ZNF519: variants seen among roughly 807,000 people sequenced by gnomAD.
The protein encoded by ZNF519 is similar to Zinc finger protein 85 (Zinc finger protein HPF4) (HTF1).
In ZNF519, 7 loss-of-function variants were observed where a neutral mutation model predicts 7.4. That is an observed-to-expected ratio of 0.94 (90% CI 0.54 to 1.77). The LOEUF (loss-of-function observed/expected upper bound fraction) is 1.77, where lower values mean the gene tolerates loss of function less well. ZNF519 is among the 40% of genes most tolerant of loss of function. ZNF519 has a pLI of 0.00. For missense variants in ZNF519, 586 were observed against 623.1 expected (o/e 0.94, Z 0.63); for synonymous variants, 179 against 203.3 (o/e 0.88, Z 1.02).
At chr18:14,126,414 T>G (rs45450300) in intron 1 of ZNF519, among the ~76,000 whole-genome samples, 12 of 152,172 alleles carry the variant, frequency 7.9e-5, no homozygotes, top group Non-Finnish European at 1.5e-4. Flanking sequence ...AAGGTAAAAA[T>G]AATACAAATA....
Position 14,100,284 on chromosome 18 carries a change from C to G in ZNF519, c.*4633G>C, listed in dbSNP as rs773153122. ...GTTTCTATTAAAATTAAACTTGTAA[C>G]TACCCTATGAGCCAGGAATTGTATG... On this transcript the variant is annotated 3_prime_UTR_variant, in exon 3 of 3. Transcript: ENST00000590202. The G allele has an allele frequency of 6.6e-6, 1 of 152,128 alleles. No homozygotes were observed. The highest frequency in any genetic ancestry group is 2.4e-5 in the African/African-American group (1 of 41,420). 9.4% of individuals were successfully genotyped at this position (152,128 alleles called of 1,614,324 possible).
chr18:14,083,801 C>T (rs2046079120), intron 3 of ZNF519, among the ~76,000 whole-genome samples: 1 of 152,138 alleles, frequency 6.6e-6, no homozygotes, highest in South Asian at 2.1e-4. Context: ...CAAGTTTCCC[C>T]TTATTAATCT....
downstream of ZNF519, among the ~76,000 whole-genome samples, chr18:14,099,214 C>T (rs1391879219): frequency 6.6e-6 from 1 of 152,128 alleles, no homozygotes; most frequent in Non-Finnish European, 1.5e-5. Flanking sequence ...CCTGGAGTAA[C>T]AGCCCCTCCT....
intron 2 of ZNF519, among the ~76,000 whole-genome samples, chr18:14,092,699 G>A (rs758588727): frequency 6.6e-6 from 1 of 152,110 alleles, no homozygotes; most frequent in Non-Finnish European, 1.5e-5. Context: ...ATGTATGTAT[G>A]TGTGTCCACA....
rs766036934 is a variant in ZNF519 at position 14,101,377 on chromosome 18, T to C, written c.*3540A>G. 14 of 254,476 alleles carry C rather than the reference T, an allele frequency of 5.5e-5. No homozygotes were observed. Among genetic ancestry groups the C allele is most frequent in the African/African-American group, 1.5e-4 (7 of 45,192 alleles). 15.8% of individuals were successfully genotyped at this position (254,476 alleles called of 1,614,324 possible). On this transcript the variant is annotated 3_prime_UTR_variant, in exon 3 of 3. Coordinates refer to ENST00000590202, the MANE Select transcript of ZNF519 (RefSeq NM_145287.4). ...GGGGGCCAATTAAAACAATGAGCCC[T>C]AGCAAATGCAAAAACACTCATGGTC...
rs2046180889 is a variant in ZNF519, at chr18:14,105,018, T to A, written c.1522A>T (p.Arg508Ter). ...TRSSHLTQHQ[R>*]IHTGEKPFKC... ...AAAGGTTTCTCTCCAGTATGAATTC[T>A]CTGATGTTGAGTAAGGTGTGAGCTC... The change falls in exon 3 of 3, where the codon AGA (arginine) becomes TGA (stop). Residue 508 changes from arginine (R) to a stop codon, truncating the protein, a stop_gained. Transcript: ENST00000590202. LOFTEE classifies it low-confidence loss of function (END_TRUNC). The A allele has an allele frequency of 6.2e-7, 1 of 1,603,438 alleles. No homozygotes were observed. The highest frequency in any genetic ancestry group is 1.3e-5 in the African/African-American group (1 of 74,528).
At chr18:14,085,497 C>T (rs961215321) in intron 2 of ZNF519, among the ~76,000 whole-genome samples, 1 of 151,966 alleles carries the variant, frequency 6.6e-6, no homozygotes, top group African/African-American at 2.4e-5. Flanking sequence ...ATCATCTCCC[C>T]CACAAAAACA....
chr18:14,123,077 C>A, intron 2 of ZNF519: 2 of 184,792 alleles, frequency 1.1e-5, no homozygotes, highest in Non-Finnish European at 1.2e-5. Flanking sequence ...CTTTGGTCCC[C>A]TTGCCTGTGT....
At chr18:14,121,440 T>C (rs180680073) in intron 2 of ZNF519, among the ~76,000 whole-genome samples, 5 of 152,274 alleles carry the variant, frequency 3.3e-5, no homozygotes, top group Admixed American at 2.6e-4. Flanking sequence ...TATCAAATCA[T>C]TACATTGTAC....
intron 2 of ZNF519, among the ~76,000 whole-genome samples, chr18:14,110,234 A>G (rs1254406257): frequency 1.3e-5 from 2 of 152,184 alleles, no homozygotes; most frequent in Non-Finnish European, 2.9e-5. Context: ...GCCTGAAAGC[A>G]TACAAATTCT....
At chr18:14,073,966 TC>T (rs1449421183), downstream of ZNF519, 2 of 152,210 alleles carry the variant, frequency 1.3e-5, no homozygotes, top group African/African-American at 4.8e-5. Context: ...TGGAGAGCTC[TC>T]CCCAAATAGG....
At chr18:14,119,602 T>C (rs2046261039) in intron 2 of ZNF519, among the ~76,000 whole-genome samples, 1 of 152,154 alleles carries the variant, frequency 6.6e-6, no homozygotes, top group Non-Finnish European at 1.5e-5. Context: ...TATTAAAGTA[T>C]CAGGATAATC....
At chr18:14,121,714 G>C (rs1210334549) in intron 2 of ZNF519, 1 of 152,042 alleles carries the variant, frequency 6.6e-6, no homozygotes, top group Non-Finnish European at 1.5e-5. Context: ...TAAGAACTGA[G>C]TATACACATA....
intron 2 of ZNF519, among the ~76,000 whole-genome samples, chr18:14,121,085 A>G (rs2046267808): frequency 6.6e-6 from 1 of 152,132 alleles, no homozygotes; most frequent in Non-Finnish European, 1.5e-5. Flanking sequence ...GCAAACACAG[A>G]AAGACAAACT....
chr18:14,073,165 C>A (rs890662581), downstream of ZNF519: 8 of 151,958 alleles, frequency 5.3e-5, no homozygotes, highest in Admixed American at 1.3e-4. Flanking sequence ...TCAGGTTTGT[C>A]TATTACAACA....
intron 2 of ZNF519, among the ~76,000 whole-genome samples, chr18:14,116,980 C>T (rs1206311361): frequency 6.6e-6 from 1 of 152,134 alleles, no homozygotes; most frequent in African/African-American, 2.4e-5. Flanking sequence ...CATTGCACTC[C>T]AGCATGGGCA....
intron 2 of ZNF519, among the ~76,000 whole-genome samples, chr18:14,092,084 C>T (rs78180090): frequency 0.022 from 3,355 of 152,160 alleles, 123 homozygotes; most frequent in African/African-American, 0.074. Context: ...GCTGGGAGGC[C>T]GTACCAGTGA....
intron 3 of ZNF519, among the ~76,000 whole-genome samples, chr18:14,084,505 G>A (rs964817737): frequency 1.3e-5 from 2 of 152,106 alleles, no homozygotes; most frequent in Non-Finnish European, 2.9e-5. Flanking sequence ...CACATACTAA[G>A]TGCCAGCCAT....
Position 14,105,651 on chromosome 18 carries a change from A to AT in ZNF519, c.888dup (p.Cys297MetfsTer2). On this transcript the variant is annotated frameshift_variant, in exon 3 of 3. Coordinates refer to ENST00000590202, the MANE Select transcript of ZNF519 (RefSeq NM_145287.4). LOFTEE classifies it low-confidence loss of function (END_TRUNC). ...GAACTCTTGTTAAAGGCTTTGTCACATTTTTTACATTTGTAAGGTTTCTCT... is the reference window on the plus strand; with the variant it reads ...GAACTCTTGTTAAAGGCTTTGTCACATTTTTTTACATTTGTAAGGTTTCTCT... 1.2e-6 allele frequency: 2 copies of AT among 1,613,392 alleles called. No homozygotes were observed. Among genetic ancestry groups the AT allele is most frequent in the Non-Finnish European group, 1.7e-6 (2 of 1,179,888 alleles).
Sources: gnomAD v4.1 joint callset for allele counts (sites outside exome capture counted in the v4.1 genomes callset) on GRCh38, gnomAD v4.1.1 for gene constraint, MANE v1.5 for transcripts, NCBI Gene and HGNC (gene_info 2026-07-23, HGNC 2026-07-21) for gene names.